The following KCNC3 variants were observed in gnomAD, a reference collection of about 807,000 sequenced individuals.
KCNC3 encodes voltage-gated potassium channel KCNC3.
In KCNC3, 22 loss-of-function variants were observed where a neutral mutation model predicts 43.9. The ratio of observed to expected loss-of-function variants is 0.50; its 90% CI spans 0.36 to 0.72. The LOEUF (loss-of-function observed/expected upper bound fraction) is 0.72, where lower values mean the gene tolerates loss of function less well. Ranked by LOEUF, KCNC3 falls within the 30% of genes least tolerant of loss-of-function variation. KCNC3 has a pLI of 0.00. For synonymous variants in KCNC3, 492 were observed against 488.0 expected (o/e 1.01, Z -0.11); for missense variants, 829 against 1,073.8 (o/e 0.77, Z 3.19).
upstream of KCNC3, among the ~76,000 whole-genome samples, chr19:50,330,980 C>A (rs926514396): frequency 2.0e-5 from 3 of 152,006 alleles, no homozygotes; most frequent in Non-Finnish European, 4.4e-5. Flanking sequence ...CGGGCGCCCT[C>A]GGGCAGCACA....
upstream of KCNC3, among the ~76,000 whole-genome samples, chr19:50,331,027 G>A (rs1378497253): frequency 6.6e-6 from 1 of 152,014 alleles, no homozygotes; most frequent in Admixed American, 6.5e-5. Context: ...AGGTGCGGCG[G>A]CTGATTCGTA....
upstream of KCNC3, among the ~76,000 whole-genome samples, chr19:50,329,949 A>G (rs2037165972): frequency 6.6e-6 from 1 of 151,982 alleles, no homozygotes; most frequent in Non-Finnish European, 1.5e-5. Context: ...GGTACTGAGG[A>G]AGGTGAGTGG....
At chr19:50,316,138 CA>C (rs1381779290) in intron 4 of KCNC3, 47 bp from the exon 5 acceptor site, 1 of 403,734 alleles carries the variant, frequency 2.5e-6, no homozygotes, top group Non-Finnish European at 4.6e-6. Context: ...AGAGGATGGT[CA>C]GGGGAAACCC....
At position 50,328,668 on chromosome 19, in the gene KCNC3, G is replaced by T. The variant is rs2037137875; in HGVS notation, c.415C>A (p.Arg139=). 3 of 1,610,608 alleles carry T rather than the reference G, an allele frequency of 1.9e-6. No individual in the cohort carries two copies. Among genetic ancestry groups the T allele is most frequent in the South Asian group, 2.2e-5 (2 of 90,848 alleles). ...DPGADEFFFD[R]HPGVFAYVLN... is the part of the protein sequence containing the mutation. ...ACGTACGCGAAGACTCCCGGGTGCC[G>T]GTCAAAGAAGAACTCGTCGGCGCCC... The change falls in exon 1 of 5, where the codon CGG becomes AGG. Residue 139 remains arginine (R), a synonymous_variant. Coordinates refer to ENST00000477616, the MANE Select transcript of KCNC3 (RefSeq NM_004977.3).
upstream of KCNC3, among the ~76,000 whole-genome samples, chr19:50,330,090 A>G (rs1048469554): frequency 6.6e-6 from 1 of 152,084 alleles, no homozygotes; most frequent in African/African-American, 2.4e-5. Flanking sequence ...AAAATGGTGA[A>G]GCCCCGCCTC....
chr19:50,329,601 G>C (rs963859537), upstream of KCNC3: 1 of 152,306 alleles, frequency 6.6e-6, no homozygotes, highest in Admixed American at 6.5e-5. Flanking sequence ...AAAACAGATC[G>C]CACGCCCTCA....
At chr19:50,327,281 A>G (rs1230987178) in intron 1 of KCNC3, among the ~76,000 whole-genome samples, 1 of 152,094 alleles carries the variant, frequency 6.6e-6, no homozygotes, top group Admixed American at 6.5e-5. Flanking sequence ...GGAGGCACTG[A>G]GGAGGAGTGT....
chr19:50,322,352 T>G lies in KCNC3; in HGVS notation c.1978+623A>C, dbSNP rs577404207. Among the ~76,000 whole-genome samples the G allele has an allele frequency of 3.9e-5, 6 of 152,290 alleles. No individual in the cohort carries two copies. In the East Asian group the frequency reaches 1.2e-3, roughly 29 times the overall value. ...CCAGGCTGCCCACAGCAAAGCCGAC[T>G]GACCAGGCCCTGGTTTCCGTTCTGC... On this transcript the variant is annotated intron_variant, in intron 2 of 4. Transcript: ENST00000477616.
Position 50,323,072 on chromosome 19 carries a change from TC to T in KCNC3, c.1880del (p.Gly627GlufsTer27), listed in dbSNP as rs1159900432. ...GCCCCATGATCCCCAGCCCACCCGC[TC>T]CCCCCCTGAGCAGCCCGGGGTGCGT... ...PHTHPGLLRGGAGGLGIMGLP... is the reference protein window; with the variant it reads ...PHTHPGLLRGXAGGLGIMGLP... On this transcript the variant is annotated frameshift_variant, in exon 2 of 5. Transcript: ENST00000477616. LOFTEE classifies it high-confidence loss of function. 10 of 1,536,550 alleles carry T rather than the reference TC, an allele frequency of 6.5e-6. No individual in the cohort carries two copies. The highest frequency in any genetic ancestry group is 2.4e-5 in the South Asian group (2 of 82,658).
rs953932117 is a variant in KCNC3 at position 50,323,076 on chromosome 19, C to G, written c.1877G>C (p.Gly626Ala). 3 of 1,540,152 alleles carry G rather than the reference C, an allele frequency of 1.9e-6. No individual in the cohort carries two copies. Among genetic ancestry groups the G allele is most frequent in the Admixed American group, 2.0e-5 (1 of 50,688 alleles). Residue 626 changes from glycine to alanine, a missense_variant, in exon 2 of 5, where the codon GGG becomes GCG. Gly to Ala is a moderately conservative substitution (Grantham distance 60). This residue lies in a region of KCNC3 where 308 missense variants were observed against 276.2 expected (regional missense o/e 1.11). Coordinates refer to ENST00000477616, the MANE Select transcript of KCNC3 (RefSeq NM_004977.3). ...GPHTHPGLLR[G>A]GAGGLGIMGL... ...CATGATCCCCAGCCCACCCGCTCCC[C>G]CCCTGAGCAGCCCGGGGTGCGTGTG...
At position 50,323,375 on chromosome 19, in the gene KCNC3, C is replaced by G; in HGVS notation, c.1578G>C (p.Ala526=). ...CAGGCATGGCGATGGTCAGCACCCC[C>G]GCCAGGGCACACAGCGCCCCGACCA... ...GMLVGALCAL[A]GVLTIAMPVP... The change falls in exon 2 of 5, where the codon GCG becomes GCC. Residue 526 remains alanine (A), a synonymous_variant. Transcript: ENST00000477616. The G allele has an allele frequency of 6.2e-7, 1 of 1,614,174 alleles. No individual in the cohort carries two copies. Among genetic ancestry groups the G allele is most frequent in the Non-Finnish European group, 8.5e-7 (1 of 1,180,036 alleles).
At chr19:50,316,592 C>T (rs755351560) in intron 4 of KCNC3, among the ~76,000 whole-genome samples, 2 of 152,012 alleles carry the variant, frequency 1.3e-5, no homozygotes, top group African/African-American at 4.8e-5. Context: ...AAAAATTAGC[C>T]GGGTGTGGTG....
chr19:50,314,913 G>T lies in KCNC3; in HGVS notation c.*1202C>A, dbSNP rs915450374. 2 of 309,890 alleles carry T rather than the reference G, an allele frequency of 6.5e-6. No individual in the cohort carries two copies. Among genetic ancestry groups the T allele is most frequent in the Admixed American group, 9.7e-5 (2 of 20,706 alleles). 19.2% of individuals were successfully genotyped at this position (309,890 alleles called of 1,614,324 possible). A position where few individuals can be genotyped will look rare whatever the true frequency, so the allele number is the denominator to read the frequency against. Reference sequence around the variant, plus strand: ...CGGGCGGCCCGGGGAGAGCCAGGGGGGGTGGCAAGGGGCGCGAGGCGCAGG... The same window carrying T: ...CGGGCGGCCCGGGGAGAGCCAGGGGTGGTGGCAAGGGGCGCGAGGCGCAGG... On this transcript the variant is annotated 3_prime_UTR_variant, in exon 5 of 5. Coordinates refer to ENST00000477616, the MANE Select transcript of KCNC3 (RefSeq NM_004977.3).
rs2036908670 is a variant in KCNC3 at position 50,313,667 on chromosome 19, C to T, written c.*2448G>A. The T allele has an allele frequency of 6.6e-6, 1 of 152,164 alleles. No homozygotes were observed. The highest frequency in any genetic ancestry group is 2.4e-5 in the African/African-American group (1 of 41,412). 9.4% of individuals were successfully genotyped at this position (152,164 alleles called of 1,614,324 possible). A position where few individuals can be genotyped will look rare whatever the true frequency, so the allele number is the denominator to read the frequency against. On this transcript the variant is annotated 3_prime_UTR_variant, in exon 5 of 5. Coordinates refer to ENST00000477616, the MANE Select transcript of KCNC3 (RefSeq NM_004977.3). The stretch of plus-strand genomic sequence containing the variant: ...AGTTCTAGCATCAAGGGAACCTGGG[C>T]TGGACAAGTCTGTTAGGGCTTTGGG...
rs1394602656 is a variant in KCNC3, at chr19:50,312,679, T to C, written c.*3436A>G. The C allele has an allele frequency of 6.6e-6, 1 of 152,268 alleles. No homozygotes were observed. The highest frequency in any genetic ancestry group is 2.4e-5 in the African/African-American group (1 of 41,454). 9.4% of individuals were successfully genotyped at this position (152,268 alleles called of 1,614,324 possible). A position where few individuals can be genotyped will look rare whatever the true frequency, so the allele number is the denominator to read the frequency against. On this transcript the variant is annotated 3_prime_UTR_variant, in exon 5 of 5. Transcript: ENST00000477616. ...CAAAAGCTGGGTACGTGTGGCGGAC[T>C]GGCGAGCAGGGGGAGACGTTGGGAA... is the stretch of plus-strand genomic sequence containing the variant.
At chr19:50,320,888 G>T in intron 2 of KCNC3, 104 bp from the exon 3 acceptor site, 2 of 1,134,944 alleles carry the variant, frequency 1.8e-6, no homozygotes, top group Non-Finnish European at 2.5e-6. Context: ...GGGATGGTCG[G>T]CGGATGTTTG....
rs948146174 is a variant in KCNC3, at chr19:50,314,595, T to C, written c.*1520A>G. On this transcript the variant is annotated 3_prime_UTR_variant, in exon 5 of 5. Coordinates refer to ENST00000477616, the MANE Select transcript of KCNC3 (RefSeq NM_004977.3). ...AAGTTGATGGCAGGGGGATGTCCTA[T>C]GGCTCGTGGAGACCTGAGAAGGCTT... The C allele has an allele frequency of 2.2e-5, 7 of 318,746 alleles. No homozygotes were observed. The highest frequency in any genetic ancestry group is 7.0e-5 in the South Asian group (3 of 43,022). 19.7% of individuals were successfully genotyped at this position (318,746 alleles called of 1,614,324 possible).
At position 50,323,633 on chromosome 19, in the gene KCNC3, CGT is replaced by C; in HGVS notation, c.1318_1319del (p.Thr440AlafsTer30). 6.2e-7 allele frequency: 1 copy of C among 1,614,194 alleles called. No homozygotes were observed. Among genetic ancestry groups the C allele is most frequent in the Non-Finnish European group, 8.5e-7 (1 of 1,180,048 alleles). On this transcript the variant is annotated frameshift_variant, in exon 2 of 5. Transcript: ENST00000477616. LOFTEE classifies it high-confidence loss of function. ...HFVGLRVLGHTLRASTNEFLL... is the reference protein window; with the variant it reads ...HFVGLRVLGHXLRASTNEFLL... ...GGAACTCGTTGGTGCTGGCGCGGAG[CGT>C]GTGTCCCAGCACGCGCAGCCCCACG...
intron 4 of KCNC3, among the ~76,000 whole-genome samples, chr19:50,317,989 T>C: frequency 6.6e-6 from 1 of 152,008 alleles, no homozygotes; most frequent in Non-Finnish European, 1.5e-5. Context: ...GAAATGGTCT[T>C]GCTCTGTTGC....
Sources: gnomAD v4.1 joint callset for allele counts (sites outside exome capture counted in the v4.1 genomes callset) on GRCh38, gnomAD v4.1.1 for gene constraint, gnomAD v4.1.1 regional missense constraint, MANE v1.5 for transcripts, NCBI Gene and HGNC (gene_info 2026-07-23, HGNC 2026-07-21) for gene names.